Variants in KIAA1328 observed in about 807,000 individuals in gnomAD.
KIAA1328 encodes the protein KIAA1328.
A neutral mutation model predicts 68.1 loss-of-function variants in KIAA1328; 52 were observed. The observed-to-expected ratio is 0.76, with a 90% CI of 0.61 to 0.96. The LOEUF (loss-of-function observed/expected upper bound fraction) is 0.96. KIAA1328 is among the 40% of genes least tolerant of loss of function. The pLI, the probability that KIAA1328 is intolerant of heterozygous loss-of-function variation, is 0.00. For missense variants in KIAA1328, 641 were observed against 677.6 expected, an observed-to-expected ratio of 0.95 and a Z score of 0.60; for synonymous variants, 232 against 239.4, an observed-to-expected ratio of 0.97 and a Z score of 0.28.
rs1236466214 is a variant in KIAA1328, at chr18:36,973,364, A to G, written c.576+13929A>G. ...GGCGAGGGATAGCATTAGGAGGTAT[A>G]CCTAATGTAAATGACGAGTTAACGG... On this transcript the variant is annotated intron_variant, in intron 6 of 9. Coordinates refer to ENST00000280020, the MANE Select transcript of KIAA1328 (RefSeq NM_020776.3). 2.0e-5 allele frequency among the ~76,000 whole-genome samples: 3 copies of G among 152,250 alleles called. No homozygotes were observed. The East Asian group carries it at 5.8e-4, about 29-fold the overall frequency.
rs188284095 is a variant in KIAA1328, at chr18:37,034,027, T to C, written c.577-32863T>C. Among the ~76,000 whole-genome samples, 314 of 152,328 alleles carry C rather than the reference T, an allele frequency of 2.1e-3. 4 individuals carry two copies. The highest frequency in any genetic ancestry group is 5.0e-4 in the Non-Finnish European group (34 of 68,034). ...TTTCTAATTTTTTCTCCTGGGTAGA[T>C]AAGTGTGTTCCTTGTTACTCCAAAA... is the stretch of plus-strand genomic sequence containing the variant. On this transcript the variant is annotated intron_variant, in intron 6 of 9. Coordinates refer to ENST00000280020, the MANE Select transcript of KIAA1328 (RefSeq NM_020776.3).
chr18:36,987,550 T>G (rs2052990397), intron 6 of KIAA1328, among the ~76,000 whole-genome samples: 1 of 151,726 alleles, frequency 6.6e-6, no homozygotes, highest in South Asian at 2.1e-4. Flanking sequence ...GACTATATAC[T>G]GTATAATTCT....
intron 6 of KIAA1328, among the ~76,000 whole-genome samples, chr18:37,034,133 G>A (rs1262842249): frequency 2.0e-5 from 3 of 152,054 alleles, no homozygotes; most frequent in African/African-American, 7.2e-5. Context: ...TTAGTCTTAG[G>A]AAAACAAAGG....
At chr18:37,161,075 A>C (rs2059268757) in intron 8 of KIAA1328, among the ~76,000 whole-genome samples, 2 of 152,164 alleles carry the variant, frequency 1.3e-5, no homozygotes, top group Non-Finnish European at 2.9e-5. Context: ...ACAGGAAACA[A>C]AAGACCAAAA....
chr18:36,967,838 A>G (rs1252620276), intron 6 of KIAA1328, among the ~76,000 whole-genome samples: 1 of 152,130 alleles, frequency 6.6e-6, no homozygotes, highest in Non-Finnish European at 1.5e-5. Context: ...CACTCTTATC[A>G]TGGGCATCTG....
intron 7 of KIAA1328, among the ~76,000 whole-genome samples, chr18:37,118,306 T>A (rs2058177511): frequency 6.6e-6 from 1 of 152,132 alleles, no homozygotes; most frequent in African/African-American, 2.4e-5. Context: ...ATAATAACTT[T>A]CTTTCACTAC....
intron 9 of KIAA1328, among the ~76,000 whole-genome samples, chr18:37,186,334 G>C (rs1229946981): frequency 6.6e-6 from 1 of 151,894 alleles, no homozygotes; most frequent in East Asian, 1.9e-4. Context: ...GGGAGGCCAA[G>C]GAGGGTGGAT....
intron 8 of KIAA1328, among the ~76,000 whole-genome samples, chr18:37,166,313 T>C (rs1291533469): frequency 1.3e-5 from 2 of 152,210 alleles, no homozygotes; most frequent in African/African-American, 2.4e-5. Flanking sequence ...GTTAACTTAG[T>C]CTTGCCCTAC....
At chr18:37,071,519 T>C (rs904848459) in intron 7 of KIAA1328, among the ~76,000 whole-genome samples, 2 of 152,194 alleles carry the variant, frequency 1.3e-5, no homozygotes, top group Non-Finnish European at 2.9e-5. Context: ...AAATATAGTA[T>C]AGCAAATATT....
At chr18:36,918,713 C>A (rs1477672530) in intron 5 of KIAA1328, among the ~76,000 whole-genome samples, 1 of 151,386 alleles carries the variant, frequency 6.6e-6, no homozygotes, top group Non-Finnish European at 1.5e-5. Flanking sequence ...CTGCGCCCGG[C>A]CTTTCTATAT....
chr18:36,935,503 A>G (rs1421999804), intron 5 of KIAA1328, among the ~76,000 whole-genome samples: 2 of 152,178 alleles, frequency 1.3e-5, no homozygotes, highest in African/African-American at 4.8e-5. Context: ...GCCTTATGCT[A>G]TCATAAAACC....
At chr18:37,013,394 G>A (rs1292500387) in intron 6 of KIAA1328, among the ~76,000 whole-genome samples, 1 of 152,034 alleles carries the variant, frequency 6.6e-6, no homozygotes, top group Non-Finnish European at 1.5e-5. Flanking sequence ...GTGCAAGTTT[G>A]TTATCTGGAT....
At chr18:37,051,436 A>G (rs1322833692) in intron 6 of KIAA1328, among the ~76,000 whole-genome samples, 1 of 152,182 alleles carries the variant, frequency 6.6e-6, no homozygotes, top group Non-Finnish European at 1.5e-5. Flanking sequence ...CTATACATAC[A>G]AACTAGAAAG....
At chr18:37,172,350 T>C (rs1282417040) in intron 8 of KIAA1328, among the ~76,000 whole-genome samples, 1 of 152,216 alleles carries the variant, frequency 6.6e-6, no homozygotes, top group East Asian at 1.9e-4. Flanking sequence ...ATCTTTTTAT[T>C]TAGCACTCCA....
intron 9 of KIAA1328, among the ~76,000 whole-genome samples, chr18:37,199,275 A>G (rs112913299): frequency 1.2e-3 from 187 of 152,090 alleles, no homozygotes; most frequent in African/African-American, 4.4e-3. Context: ...GGTAGGCCCT[A>G]GTGTGTGTTG....
intron 6 of KIAA1328, among the ~76,000 whole-genome samples, chr18:37,011,338 T>C (rs1202740297): frequency 1.3e-5 from 2 of 152,188 alleles, no homozygotes; most frequent in Non-Finnish European, 2.9e-5. Flanking sequence ...ATTCTTTTTA[T>C]TTCTTAAGGA....
intron 6 of KIAA1328, among the ~76,000 whole-genome samples, chr18:37,057,345 A>T (rs1175768577): frequency 6.6e-6 from 1 of 152,108 alleles, no homozygotes; most frequent in African/African-American, 2.4e-5. Context: ...CTTCTTAGCC[A>T]TTTAATGATG....
intron 3 of KIAA1328, among the ~76,000 whole-genome samples, chr18:36,838,798 G>A (rs1422680140): frequency 1.3e-5 from 2 of 151,942 alleles, no homozygotes; most frequent in African/African-American, 2.4e-5. Context: ...GCAGTGGCAC[G>A]ATCTTGGTTT....
intron 5 of KIAA1328, among the ~76,000 whole-genome samples, chr18:36,922,575 C>CT (rs1476554005): frequency 1.3e-5 from 2 of 151,960 alleles, no homozygotes; most frequent in African/African-American, 4.8e-5. Context: ...TTGTAGGATG[C>CT]TTTTTTTGTT....
Sources: allele counts gnomAD v4.1 joint callset (sites outside exome capture counted in the v4.1 genomes callset), GRCh38; gene constraint gnomAD v4.1.1; transcripts MANE v1.5; gene names NCBI Gene and HGNC (gene_info 2026-07-23, HGNC 2026-07-21).